The following USP49 variants were observed in gnomAD, a reference collection of about 807,000 sequenced individuals.
USP49 encodes the protein ubiquitin specific peptidase 49.
In USP49, 24 loss-of-function variants were observed where a neutral mutation model predicts 58.6. The observed-to-expected ratio is 0.41, with a 90% confidence interval of 0.30 to 0.58. The LOEUF is 0.58. USP49 is among the 20% of genes least tolerant of loss of function. The pLI is 0.30. For missense variants in USP49, 703 were observed against 866.1 expected (o/e 0.81, Z 2.36); for synonymous variants, 408 against 365.1 (o/e 1.12, Z -1.34).
At chr6:41,877,147 G>A (rs1774516847) in intron 2 of USP49, among the ~76,000 whole-genome samples, 1 of 152,150 alleles carries the variant, frequency 6.6e-6, no homozygotes, top group Non-Finnish European at 1.5e-5. Context: ...GTTTGCCATG[G>A]GTTTTGTCCA....
At chr6:41,797,866 C>T (rs953705879) in intron 7 of USP49, 22 of 945,154 alleles carry the variant, frequency 2.3e-5, no homozygotes, top group Non-Finnish European at 2.6e-5. Context: ...TAGGCAACTG[C>T]TCTTCTTATT....
intron 3 of USP49, among the ~76,000 whole-genome samples, chr6:41,851,063 A>G (rs1774019191): frequency 6.6e-6 from 1 of 152,224 alleles, no homozygotes; most frequent in Admixed American, 6.5e-5. Flanking sequence ...TCTACCAAAC[A>G]TTAAAAAATA....
chr6:41,830,071 C>A (rs1218834106), intron 3 of USP49, among the ~76,000 whole-genome samples: 27 of 152,242 alleles, frequency 1.8e-4, no homozygotes, highest in Middle Eastern at 3.4e-3. Context: ...ATAATACATT[C>A]AATTTGCTAG....
intron 3 of USP49, among the ~76,000 whole-genome samples, chr6:41,832,182 A>G (rs905356454): frequency 6.6e-6 from 1 of 151,936 alleles, no homozygotes; most frequent in Non-Finnish European, 1.5e-5. Flanking sequence ...TTGACCCCAA[A>G]TCTTTCCTGG....
intron 3 of USP49, among the ~76,000 whole-genome samples, chr6:41,818,233 C>G (rs902972540): frequency 2.0e-5 from 3 of 152,058 alleles, no homozygotes; most frequent in Non-Finnish European, 1.5e-5. Flanking sequence ...GAGTTCTGTA[C>G]CTAAAACCTA....
intron 3 of USP49, among the ~76,000 whole-genome samples, chr6:41,838,414 C>T (rs1477471403): frequency 6.6e-6 from 1 of 152,188 alleles, no homozygotes; most frequent in Non-Finnish European, 1.5e-5. Context: ...TTATCCATGG[C>T]TGGGAGACCT....
chr6:41,888,168 C>T (rs1347813090), intron 2 of USP49, among the ~76,000 whole-genome samples: 2 of 147,486 alleles, frequency 1.4e-5, no homozygotes, highest in African/African-American at 5.0e-5. Flanking sequence ...AAATCTTGTT[C>T]CTCAACCACC....
chr6:41,802,462 TTA>T (rs1181271262), intron 5 of USP49, among the ~76,000 whole-genome samples: 1,305 of 84,148 alleles, frequency 0.016, 81 homozygotes, highest in South Asian at 0.064. Context: ...ATTTATTTAT[TTA>T]TTTATTTTTT....
intron 3 of USP49, among the ~76,000 whole-genome samples, chr6:41,859,319 CT>C (rs1447342907): frequency 6.6e-6 from 1 of 152,192 alleles, no homozygotes; most frequent in Non-Finnish European, 1.5e-5. Context: ...AAGCTGCTCC[CT>C]CCCCTAGAAC....
chr6:41,830,553 G>A (rs1040918498), intron 3 of USP49, among the ~76,000 whole-genome samples: 1 of 152,190 alleles, frequency 6.6e-6, no homozygotes, highest in African/African-American at 2.4e-5. Flanking sequence ...CAGGCCAGGC[G>A]TGGTGGCTCA....
rs529769208 is a variant in USP49, at chr6:41,826,371, T to C, written c.-28-19360A>G. 7.2e-5 allele frequency among the ~76,000 whole-genome samples: 11 copies of C among 152,260 alleles called. No individual in the cohort carries two copies. The East Asian group carries it at 2.1e-3, about 29-fold the overall frequency. The stretch of plus-strand genomic sequence containing the variant: ...CAGAAGCAAAATACAAAATAATACA[T>C]ATTACGCATTCCAAGAGACCAAACA... On this transcript the variant is annotated intron_variant, in intron 3 of 7. Coordinates refer to ENST00000682992, the MANE Select transcript of USP49 (RefSeq NM_001286554.2).
At chr6:41,799,727 G>T in intron 6 of USP49, 103 bp downstream of exon 6, 1 of 998,382 alleles carries the variant, frequency 1.0e-6, no homozygotes, top group Admixed American at 2.1e-5. Context: ...AAGTGAACAG[G>T]CTTCCCCTCC....
chr6:41,842,908 T>TTA (rs915880078), intron 3 of USP49, among the ~76,000 whole-genome samples: 2 of 151,034 alleles, frequency 1.3e-5, no homozygotes, highest in Non-Finnish European at 2.9e-5. Context: ...CATGAATATG[T>TTA]TATATATATA....
intron 2 of USP49, among the ~76,000 whole-genome samples, chr6:41,876,668 T>C (rs1031505426): frequency 4.6e-5 from 7 of 152,176 alleles, no homozygotes; most frequent in Non-Finnish European, 8.8e-5. Flanking sequence ...AGCCTCGGCC[T>C]CCCAAAGTGT....
intron 3 of USP49, among the ~76,000 whole-genome samples, chr6:41,856,299 C>T (rs1341287634): frequency 7.9e-5 from 12 of 151,026 alleles, no homozygotes; most frequent in African/African-American, 2.7e-4. Flanking sequence ...GGCGTGAACT[C>T]GGGAGGCGGA....
intron 3 of USP49, among the ~76,000 whole-genome samples, chr6:41,807,849 C>G (rs1773170475): frequency 6.6e-6 from 1 of 151,814 alleles, no homozygotes. Context: ...TCTCAGCTCA[C>G]TGCAACTTCT....
intron 3 of USP49, among the ~76,000 whole-genome samples, chr6:41,848,329 T>G (rs770625808): frequency 6.6e-6 from 1 of 151,962 alleles, no homozygotes; most frequent in Non-Finnish European, 1.5e-5. Context: ...CAAAAACAAT[T>G]AACAAAATGG....
At chr6:41,858,120 A>G (rs1396704225) in intron 3 of USP49, among the ~76,000 whole-genome samples, 2 of 152,124 alleles carry the variant, frequency 1.3e-5, no homozygotes, top group Non-Finnish European at 2.9e-5. Context: ...TTGCTGCCCC[A>G]TCATTCAGGT....
At chr6:41,829,941 TC>T (rs1332518073) in intron 3 of USP49, among the ~76,000 whole-genome samples, 3 of 152,216 alleles carry the variant, frequency 2.0e-5, no homozygotes, top group African/African-American at 7.2e-5. Flanking sequence ...AAGAAGAACT[TC>T]CCCTTTTAAA....
Sources: gnomAD v4.1 joint callset for allele counts (sites outside exome capture counted in the v4.1 genomes callset) on GRCh38, gnomAD v4.1.1 for gene constraint, MANE v1.5 for transcripts, NCBI Gene and HGNC (gene_info 2026-07-23, HGNC 2026-07-21) for gene names.